Variants in NKX6-1 observed in about 807,000 individuals in gnomAD.
The protein encoded by NKX6-1 is NK6 homeobox 1.
A neutral mutation model predicts 24.9 loss-of-function variants in NKX6-1; 11 were observed. The ratio of observed to expected loss-of-function variants is 0.44; its 90% CI spans 0.28 to 0.73. The LOEUF (loss-of-function observed/expected upper bound fraction) is 0.73. NKX6-1 is among the 30% of genes least tolerant of loss of function. The probability of loss-of-function intolerance (pLI) is 0.15; values close to 1 mark genes in which losing one functional copy is unlikely to be tolerated. For synonymous variants in NKX6-1, 277 were observed against 242.9 expected, an observed-to-expected ratio of 1.14 and a Z score of -1.31; for missense variants, 487 against 502.9, an observed-to-expected ratio of 0.97 and a Z score of 0.30.
Position 84,497,215 on chromosome 4 carries a change from C to T in NKX6-1, c.670+344G>A, listed in dbSNP as rs911498494. 2.0e-5 allele frequency among the ~76,000 whole-genome samples: 3 copies of T among 152,032 alleles called. No homozygotes were observed. The highest frequency in any genetic ancestry group is 7.2e-5 in the African/African-American group (3 of 41,412). On this transcript the variant is annotated intron_variant, in intron 1 of 2. Coordinates refer to ENST00000295886, the MANE Select transcript of NKX6-1 (RefSeq NM_006168.3). This position sits in a 1 kb window ranked among gnomAD's most constrained non-coding sequence, Gnocchi z 4.8. ...CCCATCTTTCTAATCCAGGCCAGGC[C>T]TGCGGTCCTGGCCAGGCCGTTTCAG...
rs1720852006 is a variant in NKX6-1, at chr4:84,497,814, C to A, written c.415G>T (p.Ala139Ser). The A allele has an allele frequency of 7.9e-7, 1 of 1,270,752 alleles. No individual in the cohort carries two copies. The allele number at this position is 1,270,752 out of a possible 1,614,324, so 78.7% of individuals were successfully genotyped here. Residue 139 changes from alanine (A) to serine (S), a missense_variant, in exon 1 of 3, where the codon GCC (alanine) becomes TCC (serine). By Grantham distance (99) the Ala-to-Ser change is moderately conservative. Transcript: ENST00000295886. This position sits in a 1 kb window ranked among gnomAD's most constrained non-coding sequence, Gnocchi z 4.8. ...SSASASSASA[A>S]AAAAAAAAAA... ...GCGGCCGCGGCAGCAGCCGCGGCGGCGGCAGAGGCGGAGGAGGCAGAGGCG... is the reference window on the plus strand; with the variant it reads ...GCGGCCGCGGCAGCAGCCGCGGCGGAGGCAGAGGCGGAGGAGGCAGAGGCG...
rs1263884851 is a variant in NKX6-1 at position 84,495,767 on chromosome 4, C to A, written c.748G>T (p.Ala250Ser). 1.2e-6 allele frequency: 2 copies of A among 1,614,040 alleles called. No individual in the cohort carries two copies. Among genetic ancestry groups the A allele is most frequent in the Non-Finnish European group, 1.7e-6 (2 of 1,180,014 alleles). ...RPTFSGQQIF[A>S]LEKTFEQTKY... ...GTTTGTTCGAAAGTCTTCTCCAGGGCGAAGATCTGCTGTCCGGAAAAAGTG... is the reference window on the plus strand; with the variant it reads ...GTTTGTTCGAAAGTCTTCTCCAGGGAGAAGATCTGCTGTCCGGAAAAAGTG... The change falls in exon 2 of 3, where the codon GCC (alanine) becomes TCC (serine). Residue 250 changes from alanine to serine, a missense_variant. Physicochemically the swap from Ala to Ser is moderately conservative, Grantham distance 99 (BLOSUM62 1). Coordinates refer to ENST00000295886, the MANE Select transcript of NKX6-1 (RefSeq NM_006168.3).
Position 84,497,529 on chromosome 4 carries a change from A to G in NKX6-1, c.670+30T>C. On this transcript the variant is annotated intron_variant, in intron 1 of 2. Coordinates refer to ENST00000295886, the MANE Select transcript of NKX6-1 (RefSeq NM_006168.3). The surrounding 1 kb of genome is among the most constrained non-coding windows in gnomAD (Gnocchi z 4.8). ...AGTGGGCAGAACAGGCACGGCAGGC[A>G]GGCATCGGGGCGCGGGTGGTAGTAC... The G allele has an allele frequency of 8.0e-7, 1 of 1,253,582 alleles. No homozygotes were observed. The highest frequency in any genetic ancestry group is 1.0e-6 in the Non-Finnish European group (1 of 991,472). The allele number at this position is 1,253,582 out of a possible 1,614,324, so 77.7% of individuals were successfully genotyped here. A position where few individuals can be genotyped will look rare whatever the true frequency, so the allele number is the denominator to read the frequency against.
Position 84,497,769 on chromosome 4 carries a change from C to T in NKX6-1, c.460G>A (p.Ala154Thr), listed in dbSNP as rs1271844710. Residue 154 changes from alanine (A) to threonine (T), a missense_variant, in exon 1 of 3, where the codon GCG becomes ACG. Around this residue, in one of 3 missense-constraint regions of NKX6-1, gnomAD observed 316 missense variants for 311.4 expected, o/e 1.01. Coordinates refer to ENST00000295886, the MANE Select transcript of NKX6-1 (RefSeq NM_006168.3). This position sits in a 1 kb window ranked among gnomAD's most constrained non-coding sequence, Gnocchi z 4.8. ...AAAAAAASSP[A>T]GLLAGLPRFS... The stretch of plus-strand genomic sequence containing the variant: ...CGTGGCAGTCCGGCCAGCAGCCCCG[C>T]CGGGGATGAGGCGGCGGCTGCGGCC... 1.6e-6 allele frequency: 2 copies of T among 1,276,468 alleles called. No homozygotes were observed. Among genetic ancestry groups the T allele is most frequent in the Admixed American group, 4.1e-5 (1 of 24,464 alleles). 79.1% of individuals were successfully genotyped at this position (1,276,468 alleles called of 1,614,324 possible). A position where few individuals can be genotyped will look rare whatever the true frequency, so the allele number is the denominator to read the frequency against.
In NKX6-1 at chr4:84,499,008, C is replaced by T. The variant is rs1245768701; in HGVS notation, c.-780G>A. 6.6e-6 allele frequency among the ~76,000 whole-genome samples: 1 copy of T among 152,210 alleles called. No individual in the cohort carries two copies. The highest frequency in any genetic ancestry group is 1.5e-5 in the Non-Finnish European group (1 of 68,026). ...AAGGGGGAGGAAAAACACAGAAAAA[C>T]AAAAGACTAAGTGTGAAAAGTCTGA... is the stretch of plus-strand genomic sequence containing the variant. On this transcript the variant is annotated 5_prime_UTR_variant, in exon 1 of 3. Transcript: ENST00000295886.
At position 84,499,233 on chromosome 4, in the gene NKX6-1, TTCTC is replaced by T. The variant is rs1291705649; in HGVS notation, c.-1009_-1006del. Among the ~76,000 whole-genome samples the T allele has an allele frequency of 3.3e-5, 5 of 152,350 alleles. No homozygotes were observed. In the South Asian group the frequency reaches 6.2e-4, roughly 19 times the overall value. On this transcript the variant is annotated 5_prime_UTR_variant, in exon 1 of 3. Coordinates refer to ENST00000295886, the MANE Select transcript of NKX6-1 (RefSeq NM_006168.3). Reference sequence around the variant, plus strand: ...ACCCTCTCCGCGGCTCCTCCGCTCTTTCTCTCCTTTCCTCTCTCCCTCCGGGCCT... The same window carrying T: ...ACCCTCTCCGCGGCTCCTCCGCTCTTTCCTTTCCTCTCTCCCTCCGGGCCT...
Position 84,498,122 on chromosome 4 carries a change from T to C in NKX6-1, c.107A>G (p.Tyr36Cys). 1 of 1,284,906 alleles carries C rather than the reference T, an allele frequency of 7.8e-7. No individual in the cohort carries two copies. 79.6% of individuals were successfully genotyped at this position (1,284,906 alleles called of 1,614,324 possible). The change falls in exon 1 of 3, where the codon TAC becomes TGC. Residue 36 changes from tyrosine (Y) to cysteine (C), a missense_variant. By Grantham distance (194) the Tyr-to-Cys change is radical. Around this residue, in one of 3 missense-constraint regions of NKX6-1, gnomAD observed 316 missense variants for 311.4 expected, o/e 1.01. Transcript: ENST00000295886. ...AGGCAGCGGGGGATACGCGGCAGGG[T>C]ACAGCGGGGTCTTCATCTCGGCCAT... ...HSMAEMKTPL[Y>C]PAAYPPLPAG...
rs746062641 is a variant in NKX6-1 at position 84,493,327 on chromosome 4, G to GGCCGCC, written c.1060_1065dup (p.Gly354_Gly355dup). 4.3e-6 allele frequency: 7 copies of GGCCGCC among 1,611,798 alleles called. No homozygotes were observed. The highest frequency in any genetic ancestry group is 4.0e-5 in the African/African-American group (3 of 74,788). On this transcript the variant is annotated inframe_insertion, in exon 3 of 3. Transcript: ENST00000295886. The surrounding 1 kb of genome is among the most constrained non-coding windows in gnomAD (Gnocchi z 5.1). The stretch of plus-strand genomic sequence containing the variant: ...TCCGGCTCGGACGCGTGCAGTAGGA[G>GGCCGCC]GCCGCCGCCGCCGCCGCTGCTGGAC...
rs555052302 is a variant in NKX6-1 at position 84,493,157 on chromosome 4, G to A, written c.*132C>T. Reference sequence around the variant, plus strand: ...ATATGTACATCTCAAAAATAGCAAAGGGTCCCCGCAGGCAGGGCCGGGTCC... The same window carrying A: ...ATATGTACATCTCAAAAATAGCAAAAGGTCCCCGCAGGCAGGGCCGGGTCC... On this transcript the variant is annotated 3_prime_UTR_variant, in exon 3 of 3. Transcript: ENST00000295886. This position sits in a 1 kb window ranked among gnomAD's most constrained non-coding sequence, Gnocchi z 5.1. 22 of 768,726 alleles carry A rather than the reference G, an allele frequency of 2.9e-5. No homozygotes were observed. Among genetic ancestry groups the A allele is most frequent in the African/African-American group, 1.8e-5 (1 of 54,510 alleles). The allele number at this position is 768,726 out of a possible 1,614,324, so 47.6% of individuals were successfully genotyped here. A position where few individuals can be genotyped will look rare whatever the true frequency, so the allele number is the denominator to read the frequency against.
At chr4:84,495,590 T>G in intron 2 of NKX6-1, 82 bp downstream of exon 2, 1 of 1,121,598 alleles carries the variant, frequency 8.9e-7, no homozygotes, top group Non-Finnish European at 1.3e-6. Flanking sequence ...TTGGGGTGTG[T>G]GTGTGTGTGT....
Position 84,498,777 on chromosome 4 carries a change from G to C in NKX6-1, c.-549C>G, listed in dbSNP as rs926328212. ...GCTCTTTCGGTCGCGCGGCTGATTC[G>C]CATTCGACGCTCACTGTGCCCGGGG... On this transcript the variant is annotated 5_prime_UTR_variant, in exon 1 of 3. Coordinates refer to ENST00000295886, the MANE Select transcript of NKX6-1 (RefSeq NM_006168.3). 2.0e-5 allele frequency among the ~76,000 whole-genome samples: 3 copies of C among 152,148 alleles called. No homozygotes were observed. The highest frequency in any genetic ancestry group is 4.4e-5 in the Non-Finnish European group (3 of 68,024).
Position 84,498,867 on chromosome 4 carries a change from C to T in NKX6-1, c.-639G>A, listed in dbSNP as rs986640873. On this transcript the variant is annotated 5_prime_UTR_variant, in exon 1 of 3. Transcript: ENST00000295886. ...CGGGCTTCCTCCGCCCACGCTGCCC[C>T]GGGCTGCTGCGCCAGAAAGGGCAGT... Among the ~76,000 whole-genome samples the T allele has an allele frequency of 2.0e-5, 3 of 152,236 alleles. No homozygotes were observed. Among genetic ancestry groups the T allele is most frequent in the Non-Finnish European group, 2.9e-5 (2 of 68,040 alleles).
In NKX6-1 at chr4:84,493,737, G is replaced by C. The variant is rs945937378; in HGVS notation, c.844-188C>G. Among the ~76,000 whole-genome samples, 1 of 152,146 alleles carries C rather than the reference G, an allele frequency of 6.6e-6. No individual in the cohort carries two copies. The highest frequency in any genetic ancestry group is 1.9e-4 in the East Asian group (1 of 5,186). ...GTCTCCGTCGCCCCAAGTTCCCCCTGAGTAACTGGCACCAACAAACTGACT... is the reference window on the plus strand; with the variant it reads ...GTCTCCGTCGCCCCAAGTTCCCCCTCAGTAACTGGCACCAACAAACTGACT... On this transcript the variant is annotated intron_variant, in intron 2 of 2. Transcript: ENST00000295886. This position sits in a 1 kb window ranked among gnomAD's most constrained non-coding sequence, Gnocchi z 5.1.
In NKX6-1 at chr4:84,492,402, G is replaced by A. The variant is rs1455046145; in HGVS notation, c.*887C>T. ...AATTTCAGAGAGGAACAGGGAGGCAGGTGAGAGGCCCTCCCTGGTTCCCAC... is the reference window on the plus strand; with the variant it reads ...AATTTCAGAGAGGAACAGGGAGGCAAGTGAGAGGCCCTCCCTGGTTCCCAC... On this transcript the variant is annotated 3_prime_UTR_variant, in exon 3 of 3. Transcript: ENST00000295886. 6.6e-6 allele frequency: 1 copy of A among 152,100 alleles called. No individual in the cohort carries two copies. Among genetic ancestry groups the A allele is most frequent in the Non-Finnish European group, 1.5e-5 (1 of 68,022 alleles). The allele number at this position is 152,100 out of a possible 1,614,324, so 9.4% of individuals were successfully genotyped here.
In NKX6-1 at chr4:84,497,991, G is replaced by GC. The variant is rs745904099; in HGVS notation, c.237dup (p.Leu80AlafsTer85). The GC allele has an allele frequency of 3.9e-6, 5 of 1,287,376 alleles. No homozygotes were observed. Among genetic ancestry groups the GC allele is most frequent in the Admixed American group, 3.2e-5 (1 of 30,784 alleles). 79.7% of individuals were successfully genotyped at this position (1,287,376 alleles called of 1,614,324 possible). On this transcript the variant is annotated frameshift_variant, in exon 1 of 3. Coordinates refer to ENST00000295886, the MANE Select transcript of NKX6-1 (RefSeq NM_006168.3). LOFTEE classifies it high-confidence loss of function. This position sits in a 1 kb window ranked among gnomAD's most constrained non-coding sequence, Gnocchi z 4.8. ...TGCGGGGGGCTGCCGAGGGATGAGA[G>GC]CCCCCCCGTGGCCGGGGGCTTCAGG...
rs1720858563 is a variant in NKX6-1, at chr4:84,498,044, G to T, written c.185C>A (p.Pro62Gln). 1 of 1,258,818 alleles carries T rather than the reference G, an allele frequency of 7.9e-7. No homozygotes were observed. The highest frequency in any genetic ancestry group is 1.0e-6 in the Non-Finnish European group (1 of 1,001,128). 78.0% of individuals were successfully genotyped at this position (1,258,818 alleles called of 1,614,324 possible). The change falls in exon 1 of 3, where the codon CCG becomes CAG. Residue 62 changes from proline (P) to glutamine (Q), a missense_variant. Physicochemically the swap from Pro to Gln is moderately conservative, Grantham distance 76 (BLOSUM62 -1). Transcript: ENST00000295886. ...SSSSSSSSPS[P>Q]PLGTHNPGGL... ...GCCTGGGTTGTGGGTGCCCAGAGGC[G>T]GGGAGGGCGACGAGGAGGACGACGA...
chr4:84,497,512 G>A lies in NKX6-1; in HGVS notation c.670+47C>T, dbSNP rs1720843902. Reference sequence around the variant, plus strand: ...AGGGGCCGCGACCCGGGAGTGGGCAGAACAGGCACGGCAGGCAGGCATCGG... The same window carrying A: ...AGGGGCCGCGACCCGGGAGTGGGCAAAACAGGCACGGCAGGCAGGCATCGG... On this transcript the variant is annotated intron_variant, in intron 1 of 2. Transcript: ENST00000295886. The surrounding 1 kb of genome is among the most constrained non-coding windows in gnomAD (Gnocchi z 4.8). 1.6e-6 allele frequency: 2 copies of A among 1,252,206 alleles called. No homozygotes were observed. The highest frequency in any genetic ancestry group is 2.0e-6 in the Non-Finnish European group (2 of 990,550). The allele number at this position is 1,252,206 out of a possible 1,614,324, so 77.6% of individuals were successfully genotyped here.
At position 84,498,216 on chromosome 4, in the gene NKX6-1, C is replaced by T; in HGVS notation, c.13G>A (p.Gly5Arg). 7.7e-7 allele frequency: 1 copy of T among 1,296,006 alleles called. No homozygotes were observed. The highest frequency in any genetic ancestry group is 1.5e-5 in the African/African-American group (1 of 66,414). 80.3% of individuals were successfully genotyped at this position (1,296,006 alleles called of 1,614,324 possible). A position where few individuals can be genotyped will look rare whatever the true frequency, so the allele number is the denominator to read the frequency against. MLAVGAMEGTRQSAF... is the reference protein window; with the variant it reads MLAVRAMEGTRQSAF... ...CTCTGCCGGGTGCCCTCCATTGCCC[C>T]CACCGCTAACATCCCACGGCCACGC... Residue 5 changes from glycine to arginine, a missense_variant, in exon 1 of 3, where the codon GGG (glycine) becomes AGG (arginine). Physicochemically the swap from Gly to Arg is moderately radical, Grantham distance 125 (BLOSUM62 -2). Coordinates refer to ENST00000295886, the MANE Select transcript of NKX6-1 (RefSeq NM_006168.3).
chr4:84,497,659 G>A lies in NKX6-1; in HGVS notation c.570C>T (p.Tyr190=), dbSNP rs189519658. ...CAGGCAGCTCAGCCAGCGGCTTGGG[G>A]TACCGGCCCACGGCGGCCACGGCCG... is the stretch of plus-strand genomic sequence containing the variant. ...SAAAVAAVGR[Y]PKPLAELPGR... is the part of the protein sequence containing the mutation. The change falls in exon 1 of 3, where the codon TAC becomes TAT. Residue 190 remains tyrosine, a synonymous_variant. Coordinates refer to ENST00000295886, the MANE Select transcript of NKX6-1 (RefSeq NM_006168.3). This position sits in a 1 kb window ranked among gnomAD's most constrained non-coding sequence, Gnocchi z 4.8. 2.4e-4 allele frequency: 312 copies of A among 1,279,472 alleles called. 2 individuals carry two copies. The East Asian group carries it at 9.7e-3, about 40-fold the overall frequency. 79.3% of individuals were successfully genotyped at this position (1,279,472 alleles called of 1,614,324 possible).
Sources: allele counts gnomAD v4.1 joint callset (sites outside exome capture counted in the v4.1 genomes callset), GRCh38; gene constraint gnomAD v4.1.1; regional missense constraint gnomAD v4.1.1; non-coding constraint Gnocchi (gnomAD v3.1); transcripts MANE v1.5; gene names NCBI Gene and HGNC (gene_info 2026-07-23, HGNC 2026-07-21).